GPD2: variants seen among roughly 807,000 people sequenced by gnomAD.
The protein encoded by GPD2 is glycerol-3-phosphate dehydrogenase 2.
A neutral mutation model predicts 82.4 loss-of-function variants in GPD2; 54 were observed. That is an observed-to-expected ratio of 0.66 (90% CI 0.53 to 0.82). The LOEUF is 0.82. Ranked by LOEUF, GPD2 falls within the 40% of genes least tolerant of loss-of-function variation. GPD2 has a pLI of 0.00. For synonymous variants in GPD2, 288 were observed against 306.1 expected (o/e 0.94, Z 0.62); for missense variants, 748 against 896.2 (o/e 0.83, Z 2.11).
intron 1 of GPD2, among the ~76,000 whole-genome samples, chr2:156,462,688 T>A (rs1683032005): frequency 6.6e-6 from 1 of 151,996 alleles, no homozygotes; most frequent in Non-Finnish European, 1.5e-5. Flanking sequence ...TCTAGTAAGC[T>A]CCACTAACCT....
intron 1 of GPD2, among the ~76,000 whole-genome samples, chr2:156,472,486 T>A (rs1031164011): frequency 4.6e-5 from 7 of 152,066 alleles, no homozygotes; most frequent in African/African-American, 9.7e-5. Flanking sequence ...ACTGCCTGGC[T>A]AATTTTTGTA....
chr2:156,572,454 C>T (rs939078922), intron 13 of GPD2, among the ~76,000 whole-genome samples: 20 of 152,062 alleles, frequency 1.3e-4, no homozygotes, highest in East Asian at 3.9e-4. Context: ...CATGGATTAC[C>T]GCAATAGCTT....
chr2:156,442,666 C>A (rs896082526), intron 1 of GPD2, among the ~76,000 whole-genome samples: 1 of 151,832 alleles, frequency 6.6e-6, no homozygotes, highest in Non-Finnish European at 1.5e-5. Flanking sequence ...AAATAAGCTG[C>A]GTCTGGTGGT....
chr2:156,574,166 T>G (rs1334910492), intron 13 of GPD2, among the ~76,000 whole-genome samples: 2 of 151,752 alleles, frequency 1.3e-5, no homozygotes, highest in African/African-American at 2.4e-5. Flanking sequence ...AAGAAGGCAA[T>G]GTCTTAGGGA....
chr2:156,494,697 G>A (rs1329123010), intron 2 of GPD2, among the ~76,000 whole-genome samples: 1 of 152,162 alleles, frequency 6.6e-6, no homozygotes, highest in East Asian at 1.9e-4. Flanking sequence ...TTCAAATGGG[G>A]CTCCTGCAGC....
At chr2:156,418,347 G>A in the GPD2 span, among the ~76,000 whole-genome samples, 1 of 151,848 alleles carries the variant, frequency 6.6e-6, no homozygotes, top group Non-Finnish European at 1.5e-5. Context: ...CCAAGATCGC[G>A]CTACTACACT....
intron 6 of GPD2, among the ~76,000 whole-genome samples, chr2:156,521,908 CTCT>C (rs1685421429): frequency 6.6e-6 from 1 of 152,052 alleles, no homozygotes; most frequent in African/African-American, 2.4e-5. Flanking sequence ...TGTATTTCTC[CTCT>C]TGTTTTCTAT....
chr2:156,422,690 C>T, the GPD2 span, among the ~76,000 whole-genome samples: 2 of 151,526 alleles, frequency 1.3e-5, no homozygotes, highest in African/African-American at 4.9e-5. Context: ...AGAGATTGCG[C>T]CACTGCACTC....
At chr2:156,438,955 A>G (rs1262898393) in intron 1 of GPD2, among the ~76,000 whole-genome samples, 2 of 152,228 alleles carry the variant, frequency 1.3e-5, no homozygotes, top group African/African-American at 4.8e-5. Context: ...AAAGGTTAAT[A>G]TTGGCTCAAG....
intron 3 of GPD2, among the ~76,000 whole-genome samples, chr2:156,509,765 C>CTTTTTT (rs60361072): frequency 0.35 from 41,232 of 116,848 alleles, 9,354 homozygotes; most frequent in Non-Finnish European, 0.45. Context: ...ATATGTTCTT[C>CTTTTTT]TTTTTTTTTT....
intron 1 of GPD2, among the ~76,000 whole-genome samples, chr2:156,456,582 T>C (rs1299840701): frequency 6.6e-6 from 1 of 150,670 alleles, no homozygotes; most frequent in East Asian, 1.9e-4. Context: ...GGCAACGGAG[T>C]GCGACTCTGT....
chr2:156,528,599 C>T (rs995580069), intron 6 of GPD2, among the ~76,000 whole-genome samples: 4 of 123,436 alleles, frequency 3.2e-5, no homozygotes, highest in Non-Finnish European at 5.0e-5. Flanking sequence ...TCCCCCCACC[C>T]CACAACAGGC....
At position 156,583,313 on chromosome 2, in the gene GPD2, G is replaced by T; in HGVS notation, c.*395G>T. The stretch of plus-strand genomic sequence containing the variant: ...TGTGACATGCATACAGATAGCATGT[G>T]TTATTAAAAAGAGTTGCCTATTGAA... On this transcript the variant is annotated 3_prime_UTR_variant, in exon 17 of 17. Coordinates refer to ENST00000438166, the MANE Select transcript of GPD2 (RefSeq NM_000408.5). 1 of 249,768 alleles carries T rather than the reference G, an allele frequency of 4.0e-6. No individual in the cohort carries two copies. Among genetic ancestry groups the T allele is most frequent in the South Asian group, 4.8e-5 (1 of 20,710 alleles). 15.5% of individuals were successfully genotyped at this position (249,768 alleles called of 1,614,324 possible). A position where few individuals can be genotyped will look rare whatever the true frequency, so the allele number is the denominator to read the frequency against.
At chr2:156,463,310 G>C (rs954817170) in intron 1 of GPD2, among the ~76,000 whole-genome samples, 1 of 152,066 alleles carries the variant, frequency 6.6e-6, no homozygotes, top group African/African-American at 2.4e-5. Context: ...ACTCCACTCA[G>C]ATGTAAACTC....
upstream of GPD2, among the ~76,000 whole-genome samples, chr2:156,430,648 T>C (rs934382325): frequency 6.6e-6 from 1 of 152,198 alleles, no homozygotes; most frequent in Non-Finnish European, 1.5e-5. Flanking sequence ...TCTTAGAAAA[T>C]GAAAGTGTGG....
At chr2:156,503,587 T>C (rs1240948563) in intron 3 of GPD2, among the ~76,000 whole-genome samples, 2 of 152,172 alleles carry the variant, frequency 1.3e-5, no homozygotes, top group Admixed American at 6.5e-5. Context: ...TATTCAGTTA[T>C]TGAAAAGAGA....
intron 6 of GPD2, among the ~76,000 whole-genome samples, chr2:156,525,591 T>G (rs1023491195): frequency 2.0e-5 from 3 of 152,226 alleles, no homozygotes; most frequent in African/African-American, 7.2e-5. Context: ...AATTTAGTAT[T>G]ACATGGTTTT....
chr2:156,544,037 A>T (rs1686429424), intron 6 of GPD2, among the ~76,000 whole-genome samples: 2 of 152,204 alleles, frequency 1.3e-5, no homozygotes, highest in African/African-American at 4.8e-5. Context: ...CTTCATACAG[A>T]TAACCACAAA....
At chr2:156,508,538 C>G (rs1168934915) in intron 3 of GPD2, among the ~76,000 whole-genome samples, 1 of 152,076 alleles carries the variant, frequency 6.6e-6, no homozygotes, top group Non-Finnish European at 1.5e-5. Context: ...AGGATAGGCC[C>G]AGGTGAGGAA....
Sources: allele counts gnomAD v4.1 joint callset (sites outside exome capture counted in the v4.1 genomes callset), GRCh38; gene constraint gnomAD v4.1.1; transcripts MANE v1.5; gene names NCBI Gene and HGNC (gene_info 2026-07-23, HGNC 2026-07-21).